SUGCT: variants seen among roughly 807,000 people sequenced by gnomAD.
SUGCT encodes the protein succinyl-CoA:glutarate CoA-transferase.
SUGCT carries 41 observed loss-of-function variants against 55.0 expected under a neutral mutation model. The ratio of observed to expected loss-of-function variants is 0.74; its 90% confidence interval spans 0.58 to 0.97. SUGCT has a LOEUF of 0.97. Among genes scored for constraint, SUGCT ranks in the 50% least tolerant of loss-of-function variants. The probability of loss-of-function intolerance (pLI) is 0.00; values close to 1 mark genes in which losing one functional copy is unlikely to be tolerated. For synonymous variants in SUGCT, 187 were observed against 200.4 expected (o/e 0.93, Z 0.56); for missense variants, 568 against 547.8 (o/e 1.04, Z -0.37).
chr7:40,350,864 C>G lies in SUGCT; in HGVS notation c.816+34009C>G, dbSNP rs186296025. On this transcript the variant is annotated intron_variant, in intron 9 of 13. Coordinates refer to ENST00000335693, the MANE Select transcript of SUGCT (RefSeq NM_001193313.2). ...CATGTGTTTTCATTGTTCAACTCCCCCTTAGGAGTGAGAACATGCGGTGTT... is the reference window on the plus strand; with the variant it reads ...CATGTGTTTTCATTGTTCAACTCCCGCTTAGGAGTGAGAACATGCGGTGTT... Among the ~76,000 whole-genome samples, 39 of 151,824 alleles carry G rather than the reference C, an allele frequency of 2.6e-4. No individual in the cohort carries two copies. In the South Asian group the frequency reaches 6.9e-3, roughly 27 times the overall value.
At chr7:40,774,109 C>A (rs1487597714) in intron 13 of SUGCT, among the ~76,000 whole-genome samples, 1 of 152,054 alleles carries the variant, frequency 6.6e-6, no homozygotes, top group Non-Finnish European at 1.5e-5. Flanking sequence ...TTTTTTCTTT[C>A]CCTAATTTAA....
At chr7:40,541,912 G>A (rs1794705930) in intron 12 of SUGCT, among the ~76,000 whole-genome samples, 1 of 152,188 alleles carries the variant, frequency 6.6e-6, no homozygotes, top group Admixed American at 6.5e-5. Flanking sequence ...CATTTGAGGT[G>A]TATCTTGAAG....
intron 12 of SUGCT, among the ~76,000 whole-genome samples, chr7:40,498,004 TA>T (rs2151522404): frequency 6.6e-6 from 1 of 152,314 alleles, no homozygotes; most frequent in South Asian, 2.1e-4. Context: ...TTAGGATTTT[TA>T]TAACTAATTT....
chr7:40,543,164 C>T (rs1562850010), intron 12 of SUGCT, among the ~76,000 whole-genome samples: 1 of 152,178 alleles, frequency 6.6e-6, no homozygotes, highest in African/African-American at 2.4e-5. Flanking sequence ...TCTCAAATTC[C>T]TCCCTTGCTA....
intron 13 of SUGCT, among the ~76,000 whole-genome samples, chr7:40,848,014 G>C (rs1793663886): frequency 6.6e-6 from 1 of 152,262 alleles, no homozygotes; most frequent in Non-Finnish European, 1.5e-5. Context: ...CAAATCTTTT[G>C]CTGGCCTCCC....
chr7:40,233,005 A>C (rs1458083482), intron 6 of SUGCT, among the ~76,000 whole-genome samples: 2 of 152,114 alleles, frequency 1.3e-5, no homozygotes, highest in Non-Finnish European at 2.9e-5. Context: ...CTCTTCATTA[A>C]ATTATTAATG....
At chr7:41,027,734 T>C in the SUGCT span, among the ~76,000 whole-genome samples, 1 of 152,092 alleles carries the variant, frequency 6.6e-6, no homozygotes, top group Non-Finnish European at 1.5e-5. Flanking sequence ...AGGAAAACAT[T>C]AGGAGAAAAT....
In SUGCT at chr7:40,660,195, G is replaced by T. The variant is rs189316785; in HGVS notation, c.1090-89239G>T. ...GAGGCTCTCCCATATTCAATATGAG[G>T]TAATGTCTCCTTGACATTGATATAC... On this transcript the variant is annotated intron_variant, in intron 12 of 13. Coordinates refer to ENST00000335693, the MANE Select transcript of SUGCT (RefSeq NM_001193313.2). 2.4e-3 allele frequency among the ~76,000 whole-genome samples: 361 copies of T among 152,314 alleles called. 3 individuals carry two copies. The highest frequency in any genetic ancestry group is 8.3e-3 in the African/African-American group (347 of 41,580).
At chr7:40,254,553 C>T (rs1048241361) in intron 7 of SUGCT, among the ~76,000 whole-genome samples, 2 of 151,616 alleles carry the variant, frequency 1.3e-5, no homozygotes, top group African/African-American at 4.8e-5. Context: ...ACCACCACAC[C>T]CAGCTAATTT....
chr7:40,953,269 T>C, the SUGCT span, among the ~76,000 whole-genome samples: 50,589 of 152,096 alleles, frequency 0.33, 9,135 homozygotes, highest in Admixed American at 0.45. Context: ...GTGCATCCAT[T>C]ATGTAGTTCT....
At chr7:40,671,116 C>T (rs1214803809) in intron 12 of SUGCT, among the ~76,000 whole-genome samples, 1 of 152,144 alleles carries the variant, frequency 6.6e-6, no homozygotes, top group Admixed American at 6.6e-5. Flanking sequence ...ATGTCTTGCT[C>T]AGATTTTGAT....
the SUGCT span, among the ~76,000 whole-genome samples, chr7:41,012,569 A>G: frequency 6.6e-6 from 1 of 152,214 alleles, no homozygotes; most frequent in African/African-American, 2.4e-5. Context: ...GATCAATGGT[A>G]GCTATCTGAG....
At chr7:40,750,383 G>T (rs535205812) in intron 13 of SUGCT, among the ~76,000 whole-genome samples, 2 of 151,928 alleles carry the variant, frequency 1.3e-5, no homozygotes, top group African/African-American at 2.4e-5. Flanking sequence ...TTCTGATGGA[G>T]GTCAGTGAAA....
intron 12 of SUGCT, among the ~76,000 whole-genome samples, chr7:40,557,980 AG>A (rs1795642826): frequency 6.6e-6 from 1 of 152,098 alleles, no homozygotes. Context: ...GAAGATAAAC[AG>A]ATGAAAACAG....
At chr7:40,451,342 C>A (rs548561103) in intron 10 of SUGCT, among the ~76,000 whole-genome samples, 1 of 152,064 alleles carries the variant, frequency 6.6e-6, no homozygotes, top group African/African-American at 2.4e-5. Flanking sequence ...TCATTACTGC[C>A]GATCAAGTTA....
chr7:40,897,606 G>C, the SUGCT span, among the ~76,000 whole-genome samples: 1 of 152,140 alleles, frequency 6.6e-6, no homozygotes, highest in Admixed American at 6.5e-5. Context: ...CAGAAGCAGA[G>C]AGATCCCATT....
At chr7:40,715,202 G>T (rs931001524) in intron 12 of SUGCT, among the ~76,000 whole-genome samples, 1 of 152,142 alleles carries the variant, frequency 6.6e-6, no homozygotes, top group Admixed American at 6.6e-5. Context: ...ATTCTTGAAC[G>T]ATCTATTCAT....
At chr7:40,402,189 G>A (rs960617753) in intron 9 of SUGCT, among the ~76,000 whole-genome samples, 39 of 151,518 alleles carry the variant, frequency 2.6e-4, no homozygotes, top group African/African-American at 9.0e-4. Context: ...CTTACCAAAG[G>A]TAACACAATT....
intron 13 of SUGCT, among the ~76,000 whole-genome samples, chr7:40,846,390 AGT>A (rs1293558686): frequency 1.3e-5 from 2 of 149,868 alleles, no homozygotes; most frequent in African/African-American, 4.9e-5. Flanking sequence ...AAAAAAAAAC[AGT>A]CAGGAGAGAG....
Sources: gnomAD v4.1 joint callset for allele counts (sites outside exome capture counted in the v4.1 genomes callset) on GRCh38, gnomAD v4.1.1 for gene constraint, MANE v1.5 for transcripts, NCBI Gene and HGNC (gene_info 2026-07-23, HGNC 2026-07-21) for gene names.